FAM120A: variants seen among roughly 807,000 people sequenced by gnomAD.
The protein encoded by FAM120A is constitutive coactivator of PPAR-gamma-like protein 1.
FAM120A carries 15 observed loss-of-function variants against 109.7 expected under a neutral mutation model. The ratio of observed to expected loss-of-function variants is 0.14; its 90% CI spans 0.09 to 0.21. The LOEUF (loss-of-function observed/expected upper bound fraction) is 0.21, where lower values mean the gene tolerates loss of function less well. Among genes scored for constraint, FAM120A ranks in the 10% least tolerant of loss-of-function variants. The probability of loss-of-function intolerance (pLI) is 1.00; values close to 1 mark genes in which losing one functional copy is unlikely to be tolerated. For missense variants in FAM120A, 899 were observed against 1,439.3 expected (o/e 0.62, Z 6.07); for synonymous variants, 493 against 572.8 (o/e 0.86, Z 1.99).
Position 93,532,522 on chromosome 9 carries a change from C to T in FAM120A, c.1909+193C>T, listed in dbSNP as rs1030312699. Reference sequence around the variant, plus strand: ...GGAGGAGAAGCCACAGACTTTCTTCCTCAGTAACATTCCAATAATGATGTT... The same window carrying T: ...GGAGGAGAAGCCACAGACTTTCTTCTTCAGTAACATTCCAATAATGATGTT... On this transcript the variant is annotated intron_variant, in intron 10 of 17. Transcript: ENST00000277165. The surrounding 1 kb of genome is among the most constrained non-coding windows in gnomAD (Gnocchi z 4.3). 2 of 596,962 alleles carry T rather than the reference C, an allele frequency of 3.4e-6. No homozygotes were observed. The highest frequency in any genetic ancestry group is 3.7e-5 in the African/African-American group (2 of 53,784). 37.0% of individuals were successfully genotyped at this position (596,962 alleles called of 1,614,324 possible).
intron 3 of FAM120A, among the ~76,000 whole-genome samples, chr9:93,482,212 G>A (rs2131297862): frequency 1.5e-5 from 2 of 133,934 alleles, no homozygotes; most frequent in South Asian, 4.6e-4. Context: ...TTGGGAGACG[G>A]AGTTTTGCTC....
At chr9:93,461,849 A>C (rs773505541) in intron 1 of FAM120A, among the ~76,000 whole-genome samples, 3 of 152,240 alleles carry the variant, frequency 2.0e-5, no homozygotes, top group Non-Finnish European at 4.4e-5. Context: ...TAGAATGTTC[A>C]ACTGGTAAGC....
intron 1 of FAM120A, chr9:93,453,706 T>G: frequency 1.2e-6 from 1 of 859,140 alleles, no homozygotes; most frequent in Non-Finnish European, 1.4e-6. Flanking sequence ...ACAGCTGCCA[T>G]TCCTCAGGGA....
intron 5 of FAM120A, among the ~76,000 whole-genome samples, chr9:93,506,741 G>A (rs1332136891): frequency 1.3e-5 from 2 of 152,008 alleles, no homozygotes; most frequent in African/African-American, 4.8e-5. Flanking sequence ...GGGATTACAG[G>A]TGCCTGCCAC....
chr9:93,476,130 A>G, intron 2 of FAM120A, 126 bp from the exon 3 acceptor site: 1 of 622,068 alleles, frequency 1.6e-6, no homozygotes, highest in Non-Finnish European at 2.9e-6. Context: ...ATGTTAAGAG[A>G]TGAAGATTTG....
chr9:93,522,724 C>G (rs1327976606), intron 7 of FAM120A, among the ~76,000 whole-genome samples: 6 of 152,098 alleles, frequency 3.9e-5, no homozygotes, highest in Non-Finnish European at 8.8e-5. Context: ...GAGAGAAAGC[C>G]CTGTGGAACA....
intron 1 of FAM120A, among the ~76,000 whole-genome samples, chr9:93,470,566 C>A (rs1858264144): frequency 6.6e-6 from 1 of 152,126 alleles, no homozygotes; most frequent in Admixed American, 6.6e-5. Flanking sequence ...GTGGCAGTTA[C>A]ATTGAGGGTG....
chr9:93,534,427 G>T lies in FAM120A; in HGVS notation c.1909+2098G>T, dbSNP rs540891684. 3.9e-5 allele frequency among the ~76,000 whole-genome samples: 6 copies of T among 152,234 alleles called. No individual in the cohort carries two copies. In the South Asian group the frequency reaches 1.2e-3, roughly 32 times the overall value. ...TCCAAAGGAAGAAAAGACAAGAAGG[G>T]TTGGGGAAGTGTGAAATGACTCAAG... is the stretch of plus-strand genomic sequence containing the variant. On this transcript the variant is annotated intron_variant, in intron 10 of 17. Transcript: ENST00000277165.
chr9:93,556,086 C>T (rs150741023), intron 12 of FAM120A, among the ~76,000 whole-genome samples: 1 of 152,356 alleles, frequency 6.6e-6, no homozygotes, highest in Non-Finnish European at 1.5e-5. Context: ...CATTTTGTCA[C>T]ACGTCAGCCT....
intron 11 of FAM120A, among the ~76,000 whole-genome samples, chr9:93,544,336 C>A (rs1341088601): frequency 6.6e-6 from 1 of 152,194 alleles, no homozygotes; most frequent in Non-Finnish European, 1.5e-5. Context: ...GCCCTTGTTC[C>A]TTGTTGTGAA....
intron 5 of FAM120A, among the ~76,000 whole-genome samples, 196 bp downstream of exon 5, chr9:93,499,082 C>A (rs1451993660): frequency 6.6e-6 from 1 of 152,112 alleles, no homozygotes; most frequent in African/African-American, 2.4e-5. Context: ...AACTTAACAG[C>A]CTTCATAGGA....
At chr9:93,492,940 G>T (rs75576302) in intron 3 of FAM120A, among the ~76,000 whole-genome samples, 2 of 152,168 alleles carry the variant, frequency 1.3e-5, no homozygotes, top group African/African-American at 4.8e-5. Flanking sequence ...CCAGTTACTT[G>T]TGGTGTCTTG....
chr9:93,509,272 T>A (rs1860206854), intron 5 of FAM120A, among the ~76,000 whole-genome samples: 2 of 152,300 alleles, frequency 1.3e-5, no homozygotes, highest in South Asian at 4.1e-4. Context: ...CCTGTCCTGT[T>A]GTGGTCAGGG....
At chr9:93,488,324 G>A (rs1343870672) in intron 3 of FAM120A, among the ~76,000 whole-genome samples, 1 of 152,130 alleles carries the variant, frequency 6.6e-6, no homozygotes, top group Non-Finnish European at 1.5e-5. Context: ...CAAGACCATG[G>A]ATGGCTGTGT....
intron 12 of FAM120A, among the ~76,000 whole-genome samples, chr9:93,553,262 C>A (rs1862167760): frequency 1.3e-5 from 2 of 152,144 alleles, no homozygotes; most frequent in Non-Finnish European, 2.9e-5. Context: ...AACTTTGTAC[C>A]ATTATAGTAT....
At chr9:93,471,640 C>A (rs913972393) in intron 2 of FAM120A, among the ~76,000 whole-genome samples, 3 of 152,170 alleles carry the variant, frequency 2.0e-5, no homozygotes, top group African/African-American at 7.2e-5. Flanking sequence ...TGTGAAAAAA[C>A]TCATTTAAGG....
chr9:93,558,608 G>A lies in FAM120A; in HGVS notation c.2696G>A (p.Gly899Glu). 6.2e-7 allele frequency: 1 copy of A among 1,614,200 alleles called. No homozygotes were observed. Among genetic ancestry groups the A allele is most frequent in the Non-Finnish European group, 8.5e-7 (1 of 1,180,036 alleles). Reference protein sequence around the residue: ...AGVCGFGGPYGETVATGPYRA... With the variant: ...AGVCGFGGPYEETVATGPYRA... ...GTCTGTGGCTTTGGAGGCCCCTATG[G>A]GGAAACGGTAGCAACAGGCCCTTAC... The change falls in exon 15 of 18, where the codon GGG (glycine) becomes GAG (glutamate). Residue 899 changes from glycine to glutamate, a missense_variant. This residue lies in a region of FAM120A where 129 missense variants were observed against 153.4 expected (regional missense o/e 0.84). Coordinates refer to ENST00000277165, the MANE Select transcript of FAM120A (RefSeq NM_014612.5).
At position 93,551,923 on chromosome 9, in the gene FAM120A, A is replaced by G. The variant is rs140036247; in HGVS notation, c.2274+1232A>G. Among the ~76,000 whole-genome samples the G allele has an allele frequency of 2.1e-4, 32 of 152,296 alleles. No individual in the cohort carries two copies. The East Asian group carries it at 3.9e-3, about 18-fold the overall frequency. On this transcript the variant is annotated intron_variant, in intron 12 of 17. Coordinates refer to ENST00000277165, the MANE Select transcript of FAM120A (RefSeq NM_014612.5). ...TTTTGAATTTACGTTTCTGTTTTCA[A>G]TGTTTGGTCAGGTGTCCCCGTCAGG... is the stretch of plus-strand genomic sequence containing the variant.
In FAM120A at chr9:93,452,827, G is replaced by A. The variant is rs956635357; in HGVS notation, c.474+438G>A. The A allele has an allele frequency of 1.4e-5, 21 of 1,548,286 alleles. No homozygotes were observed. In the Admixed American group the frequency reaches 1.9e-4, roughly 14 times the overall value. On this transcript the variant is annotated intron_variant, in intron 1 of 17. Coordinates refer to ENST00000277165, the MANE Select transcript of FAM120A (RefSeq NM_014612.5). This position sits in a 1 kb window ranked among gnomAD's most constrained non-coding sequence, Gnocchi z 7.0. Reference sequence around the variant, plus strand: ...ATCTTGGAAGCAGGCAGGATACAGAGTAATAGAGGGGGTTTCGCCAGAGCC... The same window carrying A: ...ATCTTGGAAGCAGGCAGGATACAGAATAATAGAGGGGGTTTCGCCAGAGCC...
Sources: allele counts gnomAD v4.1 joint callset (sites outside exome capture counted in the v4.1 genomes callset), GRCh38; gene constraint gnomAD v4.1.1; regional missense constraint gnomAD v4.1.1; non-coding constraint Gnocchi (gnomAD v3.1); transcripts MANE v1.5; gene names NCBI Gene and HGNC (gene_info 2026-07-23, HGNC 2026-07-21).